The following KIF26B variants were observed in gnomAD, a reference collection of about 807,000 sequenced individuals.
The protein encoded by KIF26B is kinesin family member 26B.
A neutral mutation model predicts 151.2 loss-of-function variants in KIF26B; 63 were observed. That is an observed-to-expected ratio of 0.42 (90% confidence interval 0.34 to 0.51). The LOEUF (loss-of-function observed/expected upper bound fraction) is 0.51, where lower values mean the gene tolerates loss of function less well. KIF26B is among the 20% of genes least tolerant of loss of function. The pLI is 0.07. For missense variants in KIF26B, 2,813 were observed against 2,913.6 expected (o/e 0.97, Z 0.79); for synonymous variants, 1,357 against 1,262.1 (o/e 1.08, Z -1.59).
At chr1:245,350,308 A>T (rs966687572) in intron 2 of KIF26B, among the ~76,000 whole-genome samples, 2 of 152,020 alleles carry the variant, frequency 1.3e-5, no homozygotes, top group East Asian at 3.9e-4. Flanking sequence ...TGGTGACTTT[A>T]CCTGTGTTAG....
intron 10 of KIF26B, among the ~76,000 whole-genome samples, chr1:245,659,776 C>T (rs116565979): frequency 0.039 from 5,860 of 151,990 alleles, 167 homozygotes; most frequent in Non-Finnish European, 0.058. Flanking sequence ...CGGTGGCTCA[C>T]ACCTGTAATC....
chr1:245,344,494 CA>C (rs57007301), intron 2 of KIF26B, among the ~76,000 whole-genome samples: 1,213 of 39,868 alleles, frequency 0.03, 2 homozygotes, highest in Non-Finnish European at 0.053. Context: ...GACTCCGTCT[CA>C]AAAAAAAAAA....
chr1:245,319,887 G>A (rs1671853066), intron 2 of KIF26B, among the ~76,000 whole-genome samples: 1 of 152,180 alleles, frequency 6.6e-6, no homozygotes. Context: ...TTTCTCTGTT[G>A]TAGCTTAGCT....
At chr1:245,374,211 G>A (rs1433680985) in intron 3 of KIF26B, among the ~76,000 whole-genome samples, 7 of 138,642 alleles carry the variant, frequency 5.0e-5, no homozygotes, top group Non-Finnish European at 6.1e-5. Flanking sequence ...GGACCTCTGC[G>A]GTGCATAACA....
intron 12 of KIF26B, among the ~76,000 whole-genome samples, chr1:245,695,253 CAT>C (rs1321785300): frequency 6.6e-6 from 1 of 152,164 alleles, no homozygotes; most frequent in Non-Finnish European, 1.5e-5. Context: ...ATAGCAGTAA[CAT>C]CGCTTCCTGT....
At chr1:245,532,400 C>T (rs1290221783) in intron 4 of KIF26B, among the ~76,000 whole-genome samples, 9 of 151,962 alleles carry the variant, frequency 5.9e-5, no homozygotes, top group East Asian at 5.8e-4. Flanking sequence ...CGCCCGCCAC[C>T]ATGCCCAGCT....
At chr1:245,689,505 G>A (rs960743801) in intron 12 of KIF26B, among the ~76,000 whole-genome samples, 7 of 152,182 alleles carry the variant, frequency 4.6e-5, no homozygotes, top group African/African-American at 9.7e-5. Context: ...AGTGCCCCCC[G>A]CCACACACAC....
At chr1:245,647,435 AAAAAAAAAG>A (rs1262689118) in intron 10 of KIF26B, among the ~76,000 whole-genome samples, 3 of 149,328 alleles carry the variant, frequency 2.0e-5, no homozygotes, top group Admixed American at 2.0e-4. Flanking sequence ...AAAAAAAAAA[AAAAAAAAAG>A]AAAAAAAAGA....
chr1:245,576,297 CATT>C (rs1366728254), intron 5 of KIF26B, among the ~76,000 whole-genome samples: 6 of 152,186 alleles, frequency 3.9e-5, no homozygotes, highest in Non-Finnish European at 5.9e-5. Flanking sequence ...CGTGAAGTGT[CATT>C]GTTGGTGGTT....
intron 4 of KIF26B, among the ~76,000 whole-genome samples, chr1:245,500,892 A>C (rs560920943): frequency 1.3e-5 from 2 of 152,328 alleles, no homozygotes; most frequent in African/African-American, 2.4e-5. Context: ...CTTTCTTTGT[A>C]AGTCAGTCAG....
intron 5 of KIF26B, among the ~76,000 whole-genome samples, chr1:245,580,119 G>T (rs2043161297): frequency 6.6e-6 from 1 of 152,144 alleles, no homozygotes; most frequent in East Asian, 1.9e-4. Context: ...GAGCATAACT[G>T]CTGTAACAGC....
At chr1:245,301,586 C>T (rs945320019) in intron 2 of KIF26B, among the ~76,000 whole-genome samples, 3 of 152,120 alleles carry the variant, frequency 2.0e-5, no homozygotes, top group African/African-American at 7.2e-5. Context: ...CCCAGATCAC[C>T]CTGTCATTGG....
At chr1:245,338,527 T>A (rs189982293) in intron 2 of KIF26B, among the ~76,000 whole-genome samples, 1 of 152,344 alleles carries the variant, frequency 6.6e-6, no homozygotes, top group East Asian at 1.9e-4. Flanking sequence ...TGTATACATC[T>A]GATTCACTTG....
chr1:245,196,585 G>A (rs998033107), intron 2 of KIF26B, among the ~76,000 whole-genome samples: 1 of 152,078 alleles, frequency 6.6e-6, no homozygotes, highest in Non-Finnish European at 1.5e-5. Context: ...CTCAGAACTC[G>A]CATTTCTAAC....
chr1:245,425,695 G>A (rs767004700), intron 4 of KIF26B, among the ~76,000 whole-genome samples: 1 of 152,198 alleles, frequency 6.6e-6, no homozygotes, highest in Non-Finnish European at 1.5e-5. Context: ...GTGAGCCATG[G>A]CGCCCAGCTG....
chr1:245,687,692 C>G lies in KIF26B; in HGVS notation c.4709C>G (p.Thr1570Ser). 1 of 1,581,966 alleles carries G rather than the reference C, an allele frequency of 6.3e-7. No homozygotes were observed. The highest frequency in any genetic ancestry group is 8.6e-7 in the Non-Finnish European group (1 of 1,164,378). ...AACGGGGTGGGTGCAGCCTCGGGCA[C>G]CCCGCCCTCCAAGGCTACCCTGGAG... ...ETNGVGAASG[T>S]PPSKATLEGK... The change falls in exon 12 of 15, where the codon ACC becomes AGC. Residue 1570 changes from threonine to serine, a missense_variant. Transcript: ENST00000407071. This position sits in a 1 kb window ranked among gnomAD's most constrained non-coding sequence, Gnocchi z 4.9.
rs1024204576 is a variant in KIF26B at position 245,686,337 on chromosome 1, C to T, written c.3354C>T (p.Ser1118=). The T allele has an allele frequency of 3.1e-6, 5 of 1,613,202 alleles. No individual in the cohort carries two copies. In the African/African-American group the frequency reaches 6.7e-5, roughly 22 times the overall value. ...ATTCCGGCGTGGCGTCTAGGGAGTC[C>T]TTGCTGCAGCCCGAGGTGCGTACGC... ...SKDSGVASRE[S]LLQPEVRTPP... Residue 1118 remains serine, a synonymous_variant, in exon 12 of 15, where the codon TCC becomes TCT. Coordinates refer to ENST00000407071, the MANE Select transcript of KIF26B (RefSeq NM_018012.4). This position sits in a 1 kb window ranked among gnomAD's most constrained non-coding sequence, Gnocchi z 5.6.
intron 5 of KIF26B, among the ~76,000 whole-genome samples, chr1:245,548,837 G>A (rs569503450): frequency 6.6e-6 from 1 of 151,534 alleles, no homozygotes; most frequent in African/African-American, 2.4e-5. Flanking sequence ...TCCGCCTCCC[G>A]GTTTCAAGCA....
intron 4 of KIF26B, among the ~76,000 whole-genome samples, chr1:245,517,438 C>G (rs532727659): frequency 6.6e-6 from 1 of 152,022 alleles, no homozygotes; most frequent in Admixed American, 6.5e-5. Context: ...AAATGTTAAT[C>G]TCTGTTGCAT....
Sources: allele counts gnomAD v4.1 joint callset (sites outside exome capture counted in the v4.1 genomes callset), GRCh38; gene constraint gnomAD v4.1.1; non-coding constraint Gnocchi (gnomAD v3.1); transcripts MANE v1.5; gene names NCBI Gene and HGNC (gene_info 2026-07-23, HGNC 2026-07-21).